ARAP1: variants seen among roughly 807,000 people sequenced by gnomAD.
ARAP1 encodes ArfGAP with RhoGAP domain, ankyrin repeat and PH domain 1, also known as arf-GAP with Rho-GAP domain, ANK repeat and PH domain-containing protein 1.
Under a neutral mutation model 172.2 loss-of-function variants are expected in ARAP1, and 76 were observed. The observed-to-expected ratio is 0.44, with a 90% CI of 0.37 to 0.53. ARAP1 has a LOEUF of 0.53. Ranked by LOEUF, ARAP1 falls within the 20% of genes least tolerant of loss-of-function variation. ARAP1 has a pLI of 0.00. For missense variants in ARAP1, 1,686 were observed against 1,977.5 expected, an observed-to-expected ratio of 0.85 and a Z score of 2.80; for synonymous variants, 804 against 803.3, an observed-to-expected ratio of 1.00 and a Z score of -0.01.
rs752592005 is a variant in ARAP1, at chr11:72,697,059, C to T, written c.3090G>A (p.Ala1030=). ...GCAGGTCGCGCAGGAAGCGCTTGAG[C>T]GCCGAGGAAACATCATCCACGTGCT... ...GEQHVDDVSS[A]LKRFLRDLPD... is the part of the protein sequence containing the mutation. Residue 1030 remains alanine (A), a synonymous_variant, in exon 22 of 35, where the codon GCG becomes GCA. Transcript: ENST00000393609. 1 of 1,610,224 alleles carries T rather than the reference C, an allele frequency of 6.2e-7. No homozygotes were observed. The highest frequency in any genetic ancestry group is 8.5e-7 in the Non-Finnish European group (1 of 1,179,930).
intron 11 of ARAP1, among the ~76,000 whole-genome samples, chr11:72,709,101 C>T (rs1169409104): frequency 6.7e-6 from 1 of 148,570 alleles, no homozygotes; most frequent in Non-Finnish European, 1.5e-5. Flanking sequence ...GTTGGAGAGA[C>T]AGGCCTCTGG....
At chr11:72,716,375 CTG>C (rs1372728524) in intron 3 of ARAP1, among the ~76,000 whole-genome samples, 1 of 152,058 alleles carries the variant, frequency 6.6e-6, no homozygotes, top group African/African-American at 2.4e-5. Context: ...CTTTCCTCTT[CTG>C]TGTGAAGAGC....
intron 3 of ARAP1, chr11:72,722,205 G>A: frequency 1.0e-6 from 1 of 985,932 alleles, no homozygotes; most frequent in Non-Finnish European, 1.2e-6. Context: ...GAGTGTGTGT[G>A]AGTGTGTGTG....
At chr11:72,703,619 G>C (rs372786284) in intron 14 of ARAP1, among the ~76,000 whole-genome samples, 1 of 152,186 alleles carries the variant, frequency 6.6e-6, no homozygotes, top group African/African-American at 2.4e-5. Flanking sequence ...GGGGCGGTTT[G>C]GGGGAGGGGC....
chr11:72,735,012 G>A (rs534794648), intron 1 of ARAP1, among the ~76,000 whole-genome samples: 121 of 151,816 alleles, frequency 8.0e-4, no homozygotes, highest in African/African-American at 2.9e-3. Context: ...ACAGGGTCTC[G>A]CTCTGTCACC....
At chr11:72,706,004 A>G in intron 12 of ARAP1, 114 bp from the exon 13 acceptor site, 3 of 1,002,002 alleles carry the variant, frequency 3.0e-6, no homozygotes, top group Non-Finnish European at 4.5e-6. Context: ...GGCAGGCCCC[A>G]GGGGGTAGGC....
intron 11 of ARAP1, 113 bp downstream of exon 11, chr11:72,709,757 G>A (rs947877605): frequency 1.1e-5 from 12 of 1,099,466 alleles, no homozygotes; most frequent in South Asian, 3.8e-5. Context: ...GGGGCAGGGC[G>A]GGGCAGGGTG....
At position 72,710,098 on chromosome 11, in the gene ARAP1, C is replaced by CA; in HGVS notation, c.1417-123dup. On this transcript the variant is annotated intron_variant, in intron 10 of 34. Coordinates refer to ENST00000393609, the MANE Select transcript of ARAP1 (RefSeq NM_001040118.3). The surrounding 1 kb of genome is among the most constrained non-coding windows in gnomAD (Gnocchi z 4.3). ...CTGGGGGGGGTGCCCAGGAGGGAGA[C>CA]AGCAGGGGACATGGGAGGCTGGGCA... 1 of 899,972 alleles carries CA rather than the reference C, an allele frequency of 1.1e-6. No homozygotes were observed. Among genetic ancestry groups the CA allele is most frequent in the East Asian group, 2.5e-5 (1 of 39,656 alleles). 55.7% of individuals were successfully genotyped at this position (899,972 alleles called of 1,614,324 possible).
chr11:72,686,550 A>G (rs573117024), intron 33 of ARAP1, among the ~76,000 whole-genome samples: 2 of 152,224 alleles, frequency 1.3e-5, no homozygotes, highest in South Asian at 4.1e-4. Context: ...AAAAGAACAC[A>G]GCTCCAAGAA....
Position 72,726,534 on chromosome 11 carries a change from C to T in ARAP1, c.509+86G>A. The T allele has an allele frequency of 7.0e-7, 1 of 1,428,234 alleles. No homozygotes were observed. The highest frequency in any genetic ancestry group is 2.5e-5 in the East Asian group (1 of 39,880). The allele number at this position is 1,428,234 out of a possible 1,614,324, so 88.5% of individuals were successfully genotyped here. On this transcript the variant is annotated intron_variant, in intron 3 of 34. Transcript: ENST00000393609. The surrounding 1 kb of genome is among the most constrained non-coding windows in gnomAD (Gnocchi z 6.5). ...CTGCACTTCCGAAGTGCCTTTCTTACCCCAGCACCAAAGGCCACAAACTCC... is the reference window on the plus strand; with the variant it reads ...CTGCACTTCCGAAGTGCCTTTCTTATCCCAGCACCAAAGGCCACAAACTCC...
At chr11:72,737,628 C>CA (rs1565231951) in intron 1 of ARAP1, among the ~76,000 whole-genome samples, 1 of 144,264 alleles carries the variant, frequency 6.9e-6, no homozygotes, top group Non-Finnish European at 1.5e-5. Context: ...CTCATTTGTT[C>CA]TTTTTTTTTT....
rs1412134615 is a variant in ARAP1 at position 72,710,905 on chromosome 11, C to T, written c.1213+116G>A. 50 of 1,556,866 alleles carry T rather than the reference C, an allele frequency of 3.2e-5. No homozygotes were observed. In the East Asian group the frequency reaches 1.0e-3, roughly 32 times the overall value. On this transcript the variant is annotated intron_variant, in intron 9 of 34. Transcript: ENST00000393609. This position sits in a 1 kb window ranked among gnomAD's most constrained non-coding sequence, Gnocchi z 4.3. ...CCACCTCACAAAGGCAGCATGCCTC[C>T]CCGGATGTGATGTGAGAGGGCAGAT...
rs1856008121 is a variant in ARAP1 at position 72,693,048 on chromosome 11, GC to G, written c.3955-264del. 3 of 640,946 alleles carry G rather than the reference GC, an allele frequency of 4.7e-6. No homozygotes were observed. The South Asian group carries it at 5.7e-5, about 12-fold the overall frequency. The allele number at this position is 640,946 out of a possible 1,614,324, so 39.7% of individuals were successfully genotyped here. A position where few individuals can be genotyped will look rare whatever the true frequency, so the allele number is the denominator to read the frequency against. ...CATCAAGTAACAGGTTCCTGTGGATGCAGTGATAAGGCACAGGCACAGTGAG... is the reference window on the plus strand; with the variant it reads ...CATCAAGTAACAGGTTCCTGTGGATGAGTGATAAGGCACAGGCACAGTGAG... On this transcript the variant is annotated intron_variant, in intron 29 of 34. Coordinates refer to ENST00000393609, the MANE Select transcript of ARAP1 (RefSeq NM_001040118.3). This position sits in a 1 kb window ranked among gnomAD's most constrained non-coding sequence, Gnocchi z 4.6.
chr11:72,720,246 C>T (rs1038303773), intron 3 of ARAP1, among the ~76,000 whole-genome samples: 1 of 152,120 alleles, frequency 6.6e-6, no homozygotes, highest in African/African-American at 2.4e-5. Context: ...CCCAGCTGCC[C>T]GCTTCCTCAA....
At position 72,741,241 on chromosome 11, in the gene ARAP1, G is replaced by C. The variant is rs1168196305; in HGVS notation, c.-127-8644C>G. ...TTCTGGGCCCTCACCGCTGCCTCCT[G>C]CCTCTGCCCCCTGCAACCAGGACAT... On this transcript the variant is annotated intron_variant, in intron 1 of 34. Coordinates refer to ENST00000393609, the MANE Select transcript of ARAP1 (RefSeq NM_001040118.3). This position sits in a 1 kb window ranked among gnomAD's most constrained non-coding sequence, Gnocchi z 4.5. Among the ~76,000 whole-genome samples, 1 of 151,870 alleles carries C rather than the reference G, an allele frequency of 6.6e-6. No individual in the cohort carries two copies. The highest frequency in any genetic ancestry group is 1.5e-5 in the Non-Finnish European group (1 of 67,972).
At chr11:72,692,675 G>A in intron 30 of ARAP1, 78 bp downstream of exon 30, 1 of 1,580,288 alleles carries the variant, frequency 6.3e-7, no homozygotes, top group Non-Finnish European at 8.7e-7. Flanking sequence ...AGCCCTGGCT[G>A]TCTCCCCATG....
chr11:72,719,429 C>G (rs1442584992), intron 3 of ARAP1, among the ~76,000 whole-genome samples: 1 of 152,240 alleles, frequency 6.6e-6, no homozygotes, highest in Non-Finnish European at 1.5e-5. Flanking sequence ...GCCAGGCAGA[C>G]CTGGGCTTGA....
At chr11:72,722,026 G>C in intron 3 of ARAP1, 1 of 985,768 alleles carries the variant, frequency 1.0e-6, no homozygotes, top group Non-Finnish European at 1.2e-6. Context: ...TTCTCTTGGA[G>C]GTTTTTGAGC....
intron 4 of ARAP1, 111 bp downstream of exon 4, chr11:72,714,041 G>C (rs1857164481): frequency 3.3e-6 from 4 of 1,222,088 alleles, no homozygotes; most frequent in Admixed American, 7.7e-5. Context: ...CAGTGGGCTG[G>C]TGGCAGGCTT....
Sources: allele counts gnomAD v4.1 joint callset (sites outside exome capture counted in the v4.1 genomes callset), GRCh38; gene constraint gnomAD v4.1.1; non-coding constraint Gnocchi (gnomAD v3.1); transcripts MANE v1.5; gene names NCBI Gene and HGNC (gene_info 2026-07-23, HGNC 2026-07-21).